The following ACAD8 variants were observed in gnomAD, a reference collection of about 807,000 sequenced individuals.
ACAD8 encodes the protein acyl-CoA dehydrogenase family member 8.
In ACAD8, 47 loss-of-function variants were observed where a neutral mutation model predicts 53.1. The ratio of observed to expected loss-of-function variants is 0.89; its 90% CI spans 0.70 to 1.13. The LOEUF (loss-of-function observed/expected upper bound fraction) is 1.13, where lower values mean the gene tolerates loss of function less well. ACAD8 is among the 50% of genes most tolerant of loss of function. The pLI is 0.00. For synonymous variants in ACAD8, 198 were observed against 201.3 expected (o/e 0.98, Z 0.14); for missense variants, 494 against 535.0 (o/e 0.92, Z 0.76).
In ACAD8 at chr11:134,265,110, A is replaced by T; in HGVS notation, c.*150A>T. The T allele has an allele frequency of 1.2e-6, 1 of 811,506 alleles. No individual in the cohort carries two copies. Among genetic ancestry groups the T allele is most frequent in the Non-Finnish European group, 2.1e-6 (1 of 476,300 alleles). 50.3% of individuals were successfully genotyped at this position (811,506 alleles called of 1,614,324 possible). On this transcript the variant is annotated 3_prime_UTR_variant, in exon 11 of 11. Coordinates refer to ENST00000281182, the MANE Select transcript of ACAD8 (RefSeq NM_014384.3). ...GACCTGCACCCTGTGTGTTGGCACC[A>T]GCATCGGGTCTTGGACTGGGGCAGA...
intron 1 of ACAD8, among the ~76,000 whole-genome samples, chr11:134,256,329 G>A (rs1939525313): frequency 1.3e-5 from 2 of 152,232 alleles, no homozygotes; most frequent in Admixed American, 6.5e-5. Context: ...CCCCTATCCT[G>A]TTCTAGGTTG....
intron 10 of ACAD8, chr11:134,263,468 T>G (rs995473290): frequency 1.0e-6 from 1 of 984,106 alleles, no homozygotes; most frequent in Non-Finnish European, 1.2e-6. Context: ...GCAACAAGTC[T>G]TCAAGTGAGG....
chr11:134,263,497 G>A, intron 10 of ACAD8: 1 of 985,456 alleles, frequency 1.0e-6, no homozygotes, highest in African/African-American at 1.7e-5. Context: ...GCTTGTCTGA[G>A]AACCACACTT....
intron 1 of ACAD8, among the ~76,000 whole-genome samples, chr11:134,254,664 AT>A (rs1939375645): frequency 6.6e-6 from 1 of 152,190 alleles, no homozygotes; most frequent in Non-Finnish European, 1.5e-5. Flanking sequence ...GATAACCCAG[AT>A]TACCCTGGTT....
Position 134,262,637 on chromosome 11 carries a change from A to AT in ACAD8, c.1195+15_1195+16insT. 2 of 1,608,506 alleles carry AT rather than the reference A, an allele frequency of 1.2e-6. No individual in the cohort carries two copies. On this transcript the variant is annotated intron_variant, in intron 10 of 10. Coordinates refer to ENST00000281182, the MANE Select transcript of ACAD8 (RefSeq NM_014384.3). ...GATTCTAGAAGGTAAAAATTGCCAG[A>AT]GGTTATTCTCTTCCCTTCAGAACGG... is the stretch of plus-strand genomic sequence containing the variant.
At chr11:134,259,909 G>A (rs1382751448) in intron 6 of ACAD8, 164 bp downstream of exon 6, 2 of 1,480,296 alleles carry the variant, frequency 1.4e-6, no homozygotes, top group African/African-American at 2.8e-5. Flanking sequence ...AATACAACAG[G>A]GCATTATTAA....
chr11:134,256,745 C>T, intron 2 of ACAD8, 97 bp downstream of exon 2: 1 of 1,105,948 alleles, frequency 9.0e-7, no homozygotes, highest in Non-Finnish European at 1.3e-6. Flanking sequence ...AATGTCTCCT[C>T]CACTTACCAA....
intron 1 of ACAD8, among the ~76,000 whole-genome samples, chr11:134,254,109 T>G (rs149195851): frequency 0.012 from 1,765 of 152,230 alleles, 34 homozygotes; most frequent in African/African-American, 0.04. Context: ...CTCGGATGCT[T>G]AGAGAAGTGA....
At chr11:134,262,028 T>C in intron 9 of ACAD8, 138 bp downstream of exon 9, 3 of 1,081,956 alleles carry the variant, frequency 2.8e-6, no homozygotes, top group Non-Finnish European at 4.1e-6. Context: ...AGGATATAAA[T>C]GAACTCATGA....
Position 134,264,945 on chromosome 11 carries a change from C to G in ACAD8, c.1233C>G (p.Ser411Arg), listed in dbSNP as rs146145710. The part of the protein sequence containing the change: ...NEVMRILISR[S>R]LLQE ...TGATGAGGATACTGATCTCTAGAAGCCTGCTTCAGGAGTAGAACCCACACT... is the reference window on the plus strand; with the variant it reads ...TGATGAGGATACTGATCTCTAGAAGGCTGCTTCAGGAGTAGAACCCACACT... The change falls in exon 11 of 11, where the codon AGC becomes AGG. Residue 411 changes from serine to arginine, a missense_variant. Ser to Arg is a moderately radical substitution (Grantham distance 110). Transcript: ENST00000281182. 6 of 1,614,080 alleles carry G rather than the reference C, an allele frequency of 3.7e-6. No individual in the cohort carries two copies. Among genetic ancestry groups the G allele is most frequent in the South Asian group, 1.1e-5 (1 of 91,080 alleles).
Position 134,256,816 on chromosome 11 carries a change from T to A in ACAD8, c.210+168T>A. 4 of 696,958 alleles carry A rather than the reference T, an allele frequency of 5.7e-6. No individual in the cohort carries two copies. The East Asian group carries it at 1.1e-4, about 19-fold the overall frequency. 43.2% of individuals were successfully genotyped at this position (696,958 alleles called of 1,614,324 possible). ...TTTTTCCTAGAAGGCATCCTGATCA[T>A]CTTGTACATAACTTTTTTTTTGTTA... is the stretch of plus-strand genomic sequence containing the variant. On this transcript the variant is annotated intron_variant, in intron 2 of 10. Transcript: ENST00000281182.
Position 134,253,574 on chromosome 11 carries a change from T to A in ACAD8, c.-27T>A. ...ACGGAGGTCGAAGGCGTTCAGACTC[T>A]TAGCTGAACGCGGAGCTGCGGCGGC... On this transcript the variant is annotated 5_prime_UTR_variant, in exon 1 of 11. Coordinates refer to ENST00000281182, the MANE Select transcript of ACAD8 (RefSeq NM_014384.3). 6.4e-7 allele frequency: 1 copy of A among 1,556,522 alleles called. No homozygotes were observed. The highest frequency in any genetic ancestry group is 2.4e-5 in the East Asian group (1 of 41,852).
At position 134,265,097 on chromosome 11, in the gene ACAD8, G is replaced by A. The variant is rs1485944994; in HGVS notation, c.*137G>A. ...TCCTCTAGGGCAGGACCTGCACCCT[G>A]TGTGTTGGCACCAGCATCGGGTCTT... On this transcript the variant is annotated 3_prime_UTR_variant, in exon 11 of 11. Transcript: ENST00000281182. The A allele has an allele frequency of 1.1e-6, 1 of 902,004 alleles. No individual in the cohort carries two copies. The highest frequency in any genetic ancestry group is 1.8e-6 in the Non-Finnish European group (1 of 549,472). The allele number at this position is 902,004 out of a possible 1,614,324, so 55.9% of individuals were successfully genotyped here. A position where few individuals can be genotyped will look rare whatever the true frequency, so the allele number is the denominator to read the frequency against.
At chr11:134,262,002 G>A in intron 9 of ACAD8, 112 bp downstream of exon 9, 7 of 1,299,050 alleles carry the variant, frequency 5.4e-6, no homozygotes, top group South Asian at 5.0e-5. Context: ...ATCCCACAAG[G>A]ATCACCTTAA....
At chr11:134,260,071 T>C in intron 6 of ACAD8, 1 of 1,210,164 alleles carries the variant, frequency 8.3e-7, no homozygotes, top group Non-Finnish European at 1.0e-6. Context: ...AAGAGACGCT[T>C]AGAGAAGACC....
chr11:134,260,804 T>A (rs935849547), intron 6 of ACAD8: 1 of 545,650 alleles, frequency 1.8e-6, no homozygotes, highest in African/African-American at 1.9e-5. Flanking sequence ...TGTAGGTTAG[T>A]CAGGTAGAGT....
intron 1 of ACAD8, among the ~76,000 whole-genome samples, chr11:134,255,218 C>T (rs1013777817): frequency 3.3e-5 from 5 of 152,204 alleles, no homozygotes; most frequent in African/African-American, 7.2e-5. Context: ...CTCACCGCAA[C>T]CTCTGCCCCA....
intron 2 of ACAD8, 37 bp downstream of exon 2, chr11:134,256,685 A>C (rs754989931): frequency 5.2e-6 from 8 of 1,552,924 alleles, no homozygotes; most frequent in Non-Finnish European, 7.1e-6. Context: ...TTCTAACAAC[A>C]GATGTCTCAG....
chr11:134,257,501 G>C (rs377623488), intron 3 of ACAD8, among the ~76,000 whole-genome samples: 1 of 151,950 alleles, frequency 6.6e-6, no homozygotes, highest in Non-Finnish European at 1.5e-5. Flanking sequence ...GTGAAACCCC[G>C]TCCCTGCTAA....
Sources: gnomAD v4.1 joint callset for allele counts (sites outside exome capture counted in the v4.1 genomes callset) on GRCh38, gnomAD v4.1.1 for gene constraint, MANE v1.5 for transcripts, NCBI Gene and HGNC (gene_info 2026-07-23, HGNC 2026-07-21) for gene names.